GSE1: variants seen among roughly 807,000 people sequenced by gnomAD.
GSE1 encodes the protein genetic suppressor element 1.
A neutral mutation model predicts 112.6 loss-of-function variants in GSE1; 32 were observed. The observed-to-expected ratio is 0.28, with a 90% CI of 0.21 to 0.38. The LOEUF (loss-of-function observed/expected upper bound fraction) is 0.38. Ranked by LOEUF, GSE1 falls within the 10% of genes least tolerant of loss-of-function variation. The probability of loss-of-function intolerance (pLI) is 1.00; values close to 1 mark genes in which losing one functional copy is unlikely to be tolerated. For missense variants in GSE1, 2,348 were observed against 1,699.2 expected, an observed-to-expected ratio of 1.38 and a Z score of -6.71; for synonymous variants, 1,115 against 735.6, an observed-to-expected ratio of 1.52 and a Z score of -8.35.
Position 85,643,784 on chromosome 16 carries a change from G to T in GSE1, c.227-4768G>T, listed in dbSNP as rs182192160. 7.2e-4 allele frequency among the ~76,000 whole-genome samples: 109 copies of T among 152,276 alleles called. 1 individual carries two copies. Among genetic ancestry groups the T allele is most frequent in the African/African-American group, 2.6e-3 (106 of 41,544 alleles). On this transcript the variant is annotated intron_variant, in intron 2 of 15. Transcript: ENST00000253458. Reference sequence around the variant, plus strand: ...AAGCTCCTGCTCCCAGCTCCCCACTGTCCGGTCCCCAGGGAGGACCCACAG... The same window carrying T: ...AAGCTCCTGCTCCCAGCTCCCCACTTTCCGGTCCCCAGGGAGGACCCACAG...
chr16:85,524,014 G>A (rs1044632191), intron 2 of GSE1, among the ~76,000 whole-genome samples: 3 of 152,210 alleles, frequency 2.0e-5, no homozygotes, highest in African/African-American at 7.2e-5. Flanking sequence ...AGACCCCTGT[G>A]TGCCTGCCTT....
chr16:85,505,117 T>G (rs2051495690), intron 2 of GSE1, among the ~76,000 whole-genome samples: 1 of 152,210 alleles, frequency 6.6e-6, no homozygotes, highest in Non-Finnish European at 1.5e-5. Flanking sequence ...TTGTTCAATG[T>G]TGGGCCTGGC....
At chr16:85,488,688 A>G (rs1385029375) in intron 2 of GSE1, among the ~76,000 whole-genome samples, 2 of 152,094 alleles carry the variant, frequency 1.3e-5, no homozygotes, top group Non-Finnish European at 2.9e-5. Context: ...GTTTCGAAGG[A>G]TGTGCAGGAG....
chr16:85,434,062 A>G (rs2049184722), intron 2 of GSE1, among the ~76,000 whole-genome samples: 2 of 152,142 alleles, frequency 1.3e-5, no homozygotes, highest in South Asian at 2.1e-4. Flanking sequence ...CTCCCACCCA[A>G]AGGGGCAGCA....
intron 1 of GSE1, among the ~76,000 whole-genome samples, chr16:85,192,094 T>G (rs927019015): frequency 6.6e-6 from 1 of 152,270 alleles, no homozygotes; most frequent in Non-Finnish European, 1.5e-5. Context: ...AGCCCTTTTT[T>G]GCTCATGCAC....
chr16:85,642,455 C>T (rs1167547508), intron 2 of GSE1, among the ~76,000 whole-genome samples: 1 of 149,090 alleles, frequency 6.7e-6, no homozygotes, highest in Non-Finnish European at 1.5e-5. Flanking sequence ...TGGTTGAAAG[C>T]AGGGGGCAAA....
At chr16:85,206,984 A>AGCGGTCCG (rs1257508107) in intron 1 of GSE1, among the ~76,000 whole-genome samples, 63 of 152,182 alleles carry the variant, frequency 4.1e-4, no homozygotes, top group Admixed American at 4.0e-3. Flanking sequence ...TCTTGGCTCC[A>AGCGGTCCG]GCGGTCCGGC....
chr16:85,539,047 G>C (rs540237948), intron 2 of GSE1, among the ~76,000 whole-genome samples: 1 of 152,206 alleles, frequency 6.6e-6, no homozygotes, highest in South Asian at 2.1e-4. Flanking sequence ...CCAGCCCCGC[G>C]GGGCATGGCT....
chr16:85,269,236 G>A (rs1224996232), intron 1 of GSE1, among the ~76,000 whole-genome samples: 1 of 149,418 alleles, frequency 6.7e-6, no homozygotes. Context: ...TTGACGGGAG[G>A]TGGCCTCCTG....
At chr16:85,338,953 G>T (rs1192526767) in intron 1 of GSE1, among the ~76,000 whole-genome samples, 1 of 152,220 alleles carries the variant, frequency 6.6e-6, no homozygotes, top group African/African-American at 2.4e-5. Flanking sequence ...CAGAAGCATG[G>T]GGCATCTCAT....
chr16:85,645,366 G>A lies in GSE1; in HGVS notation c.227-3186G>A, dbSNP rs150153262. ...CTCTGGGCCGCTCTGGGGCGTGGCCGATCTGGCTAGACGGAGTGTCTGTTG... is the reference window on the plus strand; with the variant it reads ...CTCTGGGCCGCTCTGGGGCGTGGCCAATCTGGCTAGACGGAGTGTCTGTTG... On this transcript the variant is annotated intron_variant, in intron 2 of 15. Coordinates refer to ENST00000253458, the MANE Select transcript of GSE1 (RefSeq NM_014615.5). Among the ~76,000 whole-genome samples the A allele has an allele frequency of 3.2e-3, 491 of 152,244 alleles. 2 individuals are homozygous for A. The highest frequency in any genetic ancestry group is 0.011 in the African/African-American group (461 of 41,534).
intron 1 of GSE1, among the ~76,000 whole-genome samples, chr16:85,259,557 C>A (rs1383023152): frequency 6.6e-6 from 1 of 152,236 alleles, no homozygotes; most frequent in Non-Finnish European, 1.5e-5. Context: ...GGGTGGGCAG[C>A]TGCACAGAGC....
At chr16:85,645,773 G>C (rs960931299) in intron 2 of GSE1, among the ~76,000 whole-genome samples, 2 of 152,204 alleles carry the variant, frequency 1.3e-5, no homozygotes, top group African/African-American at 4.8e-5. Flanking sequence ...TGATGGGCTG[G>C]GGTCCTCCTT....
chr16:85,219,284 G>A lies in GSE1; in HGVS notation c.2283+47477G>A, dbSNP rs570046573. Among the ~76,000 whole-genome samples, 1,030 of 152,364 alleles carry A rather than the reference G, an allele frequency of 6.8e-3. 8 individuals are homozygous for A. Among genetic ancestry groups the A allele is most frequent in the African/African-American group, 0.022 (897 of 41,582 alleles). On this transcript the variant is annotated intron_variant, in intron 1 of 2. Coordinates refer to the GSE1 transcript ENST00000637419. ...CTGCCTTGGCCTCCGAAAGTGCTGGGATTACAGGCGTGAGCCACCGTGCCC... is the reference window on the plus strand; with the variant it reads ...CTGCCTTGGCCTCCGAAAGTGCTGGAATTACAGGCGTGAGCCACCGTGCCC...
chr16:85,668,538 T>C, intron 14 of GSE1, 114 bp downstream of exon 14: 1 of 701,878 alleles, frequency 1.4e-6, no homozygotes, highest in East Asian at 2.7e-5. Context: ...TTCTCCGTCC[T>C]GGGGCACAGT....
intron 2 of GSE1, among the ~76,000 whole-genome samples, chr16:85,647,310 G>A (rs1308150431): frequency 6.6e-6 from 1 of 152,212 alleles, no homozygotes; most frequent in Non-Finnish European, 1.5e-5. Context: ...CATCCCTGCT[G>A]CGTTTTGGGG....
chr16:85,591,740 G>A (rs116985123), intron 1 of GSE1, among the ~76,000 whole-genome samples: 3 of 152,332 alleles, frequency 2.0e-5, no homozygotes, highest in South Asian at 2.1e-4. Flanking sequence ...TAGAAGAGGC[G>A]TTTCATTTCT....
intron 3 of GSE1, among the ~76,000 whole-genome samples, chr16:85,651,665 C>T (rs2051368497): frequency 6.6e-6 from 1 of 152,180 alleles, no homozygotes; most frequent in South Asian, 2.1e-4. Context: ...GTCCTCAGGT[C>T]GAGGTCTGTC....
intron 2 of GSE1, among the ~76,000 whole-genome samples, chr16:85,398,739 C>T (rs1229738855): frequency 6.6e-6 from 1 of 152,108 alleles, no homozygotes; most frequent in African/African-American, 2.4e-5. Context: ...CTTTACAGCC[C>T]AGCTCTGGGT....
Sources: allele counts gnomAD v4.1 joint callset (sites outside exome capture counted in the v4.1 genomes callset), GRCh38; gene constraint gnomAD v4.1.1; transcripts MANE v1.5; gene names NCBI Gene and HGNC (gene_info 2026-07-23, HGNC 2026-07-21).